The following MAK variants were observed in gnomAD, a reference collection of about 807,000 sequenced individuals.
MAK encodes the protein serine/threonine-protein kinase MAK.
A neutral mutation model predicts 82.6 loss-of-function variants in MAK; 65 were observed. The observed-to-expected ratio is 0.79, with a 90% CI of 0.64 to 0.97. The LOEUF (loss-of-function observed/expected upper bound fraction) is 0.97. Among genes scored for constraint, MAK ranks in the 50% least tolerant of loss-of-function variants. The probability of loss-of-function intolerance (pLI) is 0.00; values close to 1 mark genes in which losing one functional copy is unlikely to be tolerated. For synonymous variants in MAK, 250 were observed against 274.2 expected (o/e 0.91, Z 0.87); for missense variants, 703 against 780.2 (o/e 0.90, Z 1.18).
chr6:10,804,322 C>T (rs557929336), intron 6 of MAK, among the ~76,000 whole-genome samples: 1 of 152,122 alleles, frequency 6.6e-6, no homozygotes, highest in African/African-American at 2.4e-5. Context: ...GTACTGATAT[C>T]CTCAACTGAC....
In MAK at chr6:10,822,829, T is replaced by C. The variant is rs534987181; in HGVS notation, c.102-3889A>G. ...AGTTCTTAAAGGGCAGAGGGCTTAA[T>C]AGATATTTATTAACTTAATTAAGTG... is the stretch of plus-strand genomic sequence containing the variant. On this transcript the variant is annotated intron_variant, in intron 2 of 14. Transcript: ENST00000354489. Among the ~76,000 whole-genome samples the C allele has an allele frequency of 3.4e-4, 52 of 152,290 alleles. 1 individual carries two copies. The South Asian group carries it at 0.01, about 30-fold the overall frequency.
chr6:10,813,702 T>C lies in MAK; in HGVS notation c.300A>G (p.Ser100=), dbSNP rs746881510. 2 of 1,601,320 alleles carry C rather than the reference T, an allele frequency of 1.2e-6. No homozygotes were observed. The highest frequency in any genetic ancestry group is 8.6e-7 in the Non-Finnish European group (1 of 1,168,552). The change falls in exon 5 of 15, where the codon TCA becomes TCG. Residue 100 remains serine (S), a synonymous_variant. Transcript: ENST00000354489. ...TTTGATACATAATATTTCTGATGAC[T>C]GATTCAGGGAACAACTTGTTTCTGT... ...MKDRNKLFPE[S]VIRNIMYQIL...
chr6:10,836,183 G>A (rs1472806051), intron 1 of MAK, among the ~76,000 whole-genome samples: 2 of 152,184 alleles, frequency 1.3e-5, no homozygotes, highest in African/African-American at 4.8e-5. Context: ...TGTTTGAGGG[G>A]TGGAGTGTTG....
chr6:10,819,597 A>T (rs916458208), intron 2 of MAK, among the ~76,000 whole-genome samples: 1 of 151,630 alleles, frequency 6.6e-6, no homozygotes, highest in Admixed American at 6.6e-5. Flanking sequence ...GCGCCACTGC[A>T]CTCCAGCCTG....
chr6:10,796,156 C>T lies in MAK; in HGVS notation c.985G>A (p.Asp329Asn), dbSNP rs201812469. The T allele has an allele frequency of 4.2e-5, 68 of 1,614,074 alleles. No homozygotes were observed. The highest frequency in any genetic ancestry group is 5.1e-5 in the Non-Finnish European group (60 of 1,180,020). ...GGCTGGGGTTGTCCAACAACCTGAT[C>T]GATTATATCCGGCAGAGGCTTAGGC... ...VEPKPLPDII[D>N]QVVGQPQPKT... is the part of the protein sequence containing the mutation. The change falls in exon 9 of 15, where the codon GAT becomes AAT. Residue 329 changes from aspartate (D) to asparagine (N), a missense_variant. Coordinates refer to ENST00000354489, the MANE Select transcript of MAK (RefSeq NM_001242957.3).
chr6:10,838,236 A>C (rs906702022), intron 1 of MAK: 2 of 152,244 alleles, frequency 1.3e-5, no homozygotes, highest in Non-Finnish European at 2.9e-5. Context: ...AGGAGGCGGG[A>C]AAGTGGTCAA....
At chr6:10,798,091 G>C (rs1047693795) in intron 8 of MAK, 3 of 311,634 alleles carry the variant, frequency 9.6e-6, no homozygotes, top group Admixed American at 1.3e-4. Context: ...TAATTTCAAG[G>C]CTTTATTTAT....
In MAK at chr6:10,783,975, C is replaced by T. The variant is rs140469043; in HGVS notation, c.1465+449G>A. Among the ~76,000 whole-genome samples, 396 of 152,056 alleles carry T rather than the reference C, an allele frequency of 2.6e-3. 1 individual carries two copies. The highest frequency in any genetic ancestry group is 8.9e-3 in the African/African-American group (368 of 41,472). On this transcript the variant is annotated intron_variant, in intron 11 of 14. Coordinates refer to ENST00000354489, the MANE Select transcript of MAK (RefSeq NM_001242957.3). ...TGGAGGTTGCAGTGAGCCGAGATCACGCCACTGCACTCCAGCCTGGGCGAC... is the reference window on the plus strand; with the variant it reads ...TGGAGGTTGCAGTGAGCCGAGATCATGCCACTGCACTCCAGCCTGGGCGAC...
chr6:10,813,133 TAAA>T (rs1473837107), intron 5 of MAK, among the ~76,000 whole-genome samples: 207 of 994 alleles, frequency 0.21, 39 homozygotes, highest in East Asian at 0.5. Context: ...TATATATATA[TAAA>T]TTTTTTTTTT....
Position 10,802,039 on chromosome 6 carries a change from G to A in MAK, c.684C>T (p.Tyr228=). The change falls in exon 8 of 15, where the codon TAC becomes TAT. Residue 228 remains tyrosine, a synonymous_variant. Coordinates refer to ENST00000354489, the MANE Select transcript of MAK (RefSeq NM_001242957.3). ...TPKKSDWPEG[Y]QLASSMNFRF... ...GGAAGTTCATAGAGGATGCCAGCTG[G>A]TATCCTTCTGGCCAGTCACTCTGTT... 6.2e-7 allele frequency: 1 copy of A among 1,614,140 alleles called. No individual in the cohort carries two copies. The highest frequency in any genetic ancestry group is 1.3e-5 in the African/African-American group (1 of 75,046).
intron 11 of MAK, among the ~76,000 whole-genome samples, chr6:10,780,835 C>T (rs988765824): frequency 5.9e-5 from 9 of 152,188 alleles, no homozygotes; most frequent in African/African-American, 1.9e-4. Context: ...TTCTTCCATC[C>T]TTGCTTTTGC....
chr6:10,836,055 C>T (rs1280276223), intron 1 of MAK, among the ~76,000 whole-genome samples: 1 of 152,204 alleles, frequency 6.6e-6, no homozygotes, highest in Non-Finnish European at 1.5e-5. Flanking sequence ...AACCAATCAA[C>T]TTCTGAATAA....
chr6:10,784,384 T>C (rs1774314561), intron 11 of MAK, 40 bp downstream of exon 11: 1 of 1,609,768 alleles, frequency 6.2e-7, no homozygotes, highest in Non-Finnish European at 8.5e-7. Flanking sequence ...GACCTATCTA[T>C]ACTCTAGTTA....
intron 9 of MAK, among the ~76,000 whole-genome samples, chr6:10,795,675 C>CA (rs1775481766): frequency 1.3e-5 from 2 of 150,476 alleles, no homozygotes. Context: ...ACCCAGGAGT[C>CA]AGAGATTGCA....
chr6:10,804,220 A>G (rs1776233248), intron 6 of MAK, among the ~76,000 whole-genome samples: 1 of 152,232 alleles, frequency 6.6e-6, no homozygotes, highest in Non-Finnish European at 1.5e-5. Context: ...ACAAAGCATT[A>G]TATTCAGCAT....
intron 8 of MAK, chr6:10,798,143 A>C (rs192173151): frequency 0.013 from 1,785 of 141,446 alleles, 38 homozygotes; most frequent in African/African-American, 0.062. Flanking sequence ...TTTGAGATGG[A>C]GTCTCGCTCT....
At chr6:10,794,568 A>C (rs1208150052) in intron 9 of MAK, among the ~76,000 whole-genome samples, 1 of 152,242 alleles carries the variant, frequency 6.6e-6, no homozygotes, top group East Asian at 1.9e-4. Flanking sequence ...TTTCCATCCT[A>C]AAATGCCATA....
At chr6:10,801,811 A>G (rs963641912) in intron 8 of MAK, 81 bp downstream of exon 8, 290 of 1,339,142 alleles carry the variant, frequency 2.2e-4, no homozygotes, top group Non-Finnish European at 1.8e-4. Context: ...TTGAGAATAG[A>G]CCTGCCTTTG....
chr6:10,825,912 T>C (rs1778328702), intron 2 of MAK, among the ~76,000 whole-genome samples: 1 of 152,206 alleles, frequency 6.6e-6, no homozygotes, highest in Admixed American at 6.5e-5. Context: ...ATGACTGTAT[T>C]GACCTTCTAA....
Sources: gnomAD v4.1 joint callset for allele counts (sites outside exome capture counted in the v4.1 genomes callset) on GRCh38, gnomAD v4.1.1 for gene constraint, MANE v1.5 for transcripts, NCBI Gene and HGNC (gene_info 2026-07-23, HGNC 2026-07-21) for gene names.